RNF150: variants seen among roughly 807,000 people sequenced by gnomAD.
RNF150 encodes the protein ring finger protein 150.
RNF150 carries 24 observed loss-of-function variants against 39.3 expected under a neutral mutation model. The ratio of observed to expected loss-of-function variants is 0.61; its 90% CI spans 0.44 to 0.86. The LOEUF (loss-of-function observed/expected upper bound fraction) is 0.86. RNF150 is among the 40% of genes least tolerant of loss of function. The pLI, the probability that RNF150 is intolerant of heterozygous loss-of-function variation, is 0.00. For synonymous variants in RNF150, 255 were observed against 227.3 expected, an observed-to-expected ratio of 1.12 and a Z score of -1.10; for missense variants, 502 against 587.8, an observed-to-expected ratio of 0.85 and a Z score of 1.51.
intron 1 of RNF150, among the ~76,000 whole-genome samples, chr4:141,191,756 C>A (rs947843899): frequency 6.6e-6 from 1 of 152,182 alleles, no homozygotes; most frequent in African/African-American, 2.4e-5. Context: ...GTTTATAACA[C>A]ACATATGTCT....
At chr4:140,987,472 T>C (rs1253437712) in intron 1 of RNF150, among the ~76,000 whole-genome samples, 1 of 151,948 alleles carries the variant, frequency 6.6e-6, no homozygotes, top group Non-Finnish European at 1.5e-5. Flanking sequence ...GCACACCTAT[T>C]GCCATCTATC....
chr4:141,018,509 C>T (rs1160460488), intron 1 of RNF150, among the ~76,000 whole-genome samples: 2 of 152,132 alleles, frequency 1.3e-5, no homozygotes, highest in African/African-American at 4.8e-5. Flanking sequence ...ATGGTTATAA[C>T]TCCCTCTAGT....
rs754696362 is a variant in RNF150 at position 141,057,316 on chromosome 4, TTTA to T, written c.484+75006_484+75008del. On this transcript the variant is annotated intron_variant, in intron 1 of 6. Coordinates refer to ENST00000515673, the MANE Select transcript of RNF150 (RefSeq NM_020724.2). ...ACATAATTAAAATTATGTGCATAAT[TTTA>T]TTATTATATATAATTGTAAAACAAT... Among the ~76,000 whole-genome samples, 13 of 151,962 alleles carry T rather than the reference TTTA, an allele frequency of 8.6e-5. No individual in the cohort carries two copies. The East Asian group carries it at 1.5e-3, about 18-fold the overall frequency.
rs1007215284 is a variant in RNF150 at position 140,864,141 on chromosome 4, A to T, written c.*4120T>A. Reference sequence around the variant, plus strand: ...AACAAAACAAAACAAAACAAAATGAACATTTTTGGACAGAGCTTTGCCTCC... The same window carrying T: ...AACAAAACAAAACAAAACAAAATGATCATTTTTGGACAGAGCTTTGCCTCC... On this transcript the variant is annotated 3_prime_UTR_variant, in exon 7 of 7. Coordinates refer to ENST00000515673, the MANE Select transcript of RNF150 (RefSeq NM_020724.2). 2.0e-5 allele frequency: 3 copies of T among 152,198 alleles called. No homozygotes were observed. The highest frequency in any genetic ancestry group is 4.8e-5 in the African/African-American group (2 of 41,442). The allele number at this position is 152,198 out of a possible 1,614,324, so 9.4% of individuals were successfully genotyped here. A position where few individuals can be genotyped will look rare whatever the true frequency, so the allele number is the denominator to read the frequency against.
At chr4:141,071,687 A>T (rs556850954) in intron 1 of RNF150, among the ~76,000 whole-genome samples, 3 of 152,308 alleles carry the variant, frequency 2.0e-5, no homozygotes, top group Admixed American at 2.0e-4. Flanking sequence ...ACATATGTTA[A>T]GAGGCACTGG....
chr4:140,943,486 C>T (rs2111362704), intron 4 of RNF150, among the ~76,000 whole-genome samples: 1 of 152,278 alleles, frequency 6.6e-6, no homozygotes, highest in Non-Finnish European at 1.5e-5. Context: ...ACAATACAAA[C>T]CATTGTTAGA....
chr4:141,041,113 G>A (rs1736350128), intron 1 of RNF150, among the ~76,000 whole-genome samples: 4 of 152,038 alleles, frequency 2.6e-5, no homozygotes, highest in Admixed American at 2.6e-4. Context: ...GTCTCTACTA[G>A]GTAGTACTAA....
At chr4:140,906,491 G>A (rs1168538839) in intron 6 of RNF150, among the ~76,000 whole-genome samples, 1 of 152,076 alleles carries the variant, frequency 6.6e-6, no homozygotes, top group Non-Finnish European at 1.5e-5. Context: ...TATCTTTGGG[G>A]GAAAGGGGGT....
chr4:141,000,791 A>C (rs1398967110), intron 1 of RNF150, among the ~76,000 whole-genome samples: 1 of 152,178 alleles, frequency 6.6e-6, no homozygotes, highest in Admixed American at 6.5e-5. Flanking sequence ...GTTGGGAGGG[A>C]GGCCACGTAA....
chr4:141,096,069 G>T (rs1008215911), intron 1 of RNF150, among the ~76,000 whole-genome samples: 2 of 151,942 alleles, frequency 1.3e-5, no homozygotes, highest in African/African-American at 4.8e-5. Context: ...TGCAGGAGAG[G>T]ATTAATGGCC....
At chr4:140,951,206 G>GT (rs1732526259) in intron 2 of RNF150, among the ~76,000 whole-genome samples, 1 of 152,072 alleles carries the variant, frequency 6.6e-6, no homozygotes, top group Admixed American at 6.5e-5. Flanking sequence ...TTTGAAATTT[G>GT]TTTTTATGAT....
intron 1 of RNF150, among the ~76,000 whole-genome samples, chr4:140,999,985 AAAGAAGAAAAGAAGAAGAAGAAGAAG>A (rs1734552939): frequency 5.1e-5 from 2 of 38,952 alleles, no homozygotes; most frequent in African/African-American, 1.5e-4. Context: ...GAAAAGAAGA[AAAGAAGAAAAGAAGAAGAAGAAGAAG>A]AAGAAGAAGA....
rs570466977 is a variant in RNF150 at position 141,113,436 on chromosome 4, C to T, written c.484+18889G>A. On this transcript the variant is annotated intron_variant, in intron 1 of 6. Transcript: ENST00000515673. Reference sequence around the variant, plus strand: ...AAAGACAAAGAAGGGCATTACATAACGGTAAAGGGATCAATGCAACAAGAA... The same window carrying T: ...AAAGACAAAGAAGGGCATTACATAATGGTAAAGGGATCAATGCAACAAGAA... Among the ~76,000 whole-genome samples the T allele has an allele frequency of 3.0e-4, 46 of 151,216 alleles. No homozygotes were observed. The South Asian group carries it at 7.7e-3, about 25-fold the overall frequency.
intron 1 of RNF150, among the ~76,000 whole-genome samples, chr4:140,975,153 G>A (rs1733615954): frequency 6.6e-6 from 1 of 152,160 alleles, no homozygotes; most frequent in African/African-American, 2.4e-5. Context: ...CTACTTGGGA[G>A]CCTGAGGTGG....
At chr4:140,919,004 C>G (rs1318218667) in intron 5 of RNF150, among the ~76,000 whole-genome samples, 18 of 152,030 alleles carry the variant, frequency 1.2e-4, no homozygotes, top group Admixed American at 1.2e-3. Context: ...GCTAAAAACT[C>G]TCAATAAGTT....
intron 1 of RNF150, among the ~76,000 whole-genome samples, chr4:141,204,794 C>A (rs543498618): frequency 6.6e-6 from 1 of 152,274 alleles, no homozygotes; most frequent in East Asian, 1.9e-4. Flanking sequence ...AGTTGGTTCT[C>A]AGTCTTTGGT....
At chr4:141,018,523 T>C (rs1380892712) in intron 1 of RNF150, among the ~76,000 whole-genome samples, 1 of 152,168 alleles carries the variant, frequency 6.6e-6, no homozygotes, top group Non-Finnish European at 1.5e-5. Context: ...CTCTAGTCCC[T>C]GTAAATTTGT....
intron 1 of RNF150, among the ~76,000 whole-genome samples, chr4:141,023,431 T>A (rs1347774300): frequency 1.3e-5 from 2 of 148,742 alleles, no homozygotes; most frequent in Non-Finnish European, 3.0e-5. Context: ...TTTTTTTTTT[T>A]AAGTAGTTAT....
Position 140,919,572 on chromosome 4 carries a change from G to A in RNF150, c.987+6405C>T, listed in dbSNP as rs530721392. Among the ~76,000 whole-genome samples the A allele has an allele frequency of 3.1e-5, 4 of 129,568 alleles. 1 individual carries two copies. The highest frequency in any genetic ancestry group is 2.4e-4 in the East Asian group (1 of 4,214). 85.0% of individuals were successfully genotyped at this position (129,568 alleles called of 152,430 possible). ...AAATGGAAGAACATTCCATGCTCAT[G>A]GGTAGGAAGAATCAATATCGTGAAA... On this transcript the variant is annotated intron_variant, in intron 5 of 6. Transcript: ENST00000515673.
Sources: gnomAD v4.1 joint callset for allele counts (sites outside exome capture counted in the v4.1 genomes callset) on GRCh38, gnomAD v4.1.1 for gene constraint, MANE v1.5 for transcripts, NCBI Gene and HGNC (gene_info 2026-07-23, HGNC 2026-07-21) for gene names.